CHRNB1: variants seen among roughly 807,000 people sequenced by gnomAD.
CHRNB1 encodes the protein cholinergic receptor nicotinic beta 1 subunit.
A neutral mutation model predicts 53.8 loss-of-function variants in CHRNB1; 47 were observed. The ratio of observed to expected loss-of-function variants is 0.87; its 90% CI spans 0.69 to 1.11. The LOEUF (loss-of-function observed/expected upper bound fraction) is 1.11. Among genes scored for constraint, CHRNB1 ranks in the 50% most tolerant of loss-of-function variants. The probability of loss-of-function intolerance (pLI) is 0.00; values close to 1 mark genes in which losing one functional copy is unlikely to be tolerated. For synonymous variants in CHRNB1, 259 were observed against 263.5 expected (o/e 0.98, Z 0.16); for missense variants, 605 against 654.9 (o/e 0.92, Z 0.83).
Position 7,455,853 on chromosome 17 carries a change from C to A in CHRNB1, c.1277C>A (p.Ala426Asp), listed in dbSNP as rs1402917801. Residue 426 changes from alanine (A) to aspartate (D), a missense_variant, in exon 10 of 11, where the codon GCT becomes GAT. Coordinates refer to ENST00000306071, the MANE Select transcript of CHRNB1 (RefSeq NM_000747.3). The part of the protein sequence containing the change: ...LRRFIDGPNR[A>D]VALLPELREV... ...CGATTTATCGATGGTCCAAACCGGG[C>A]TGTGGCCCTGCTTCCGGAGCTACGG... 1 of 1,614,002 alleles carries A rather than the reference C, an allele frequency of 6.2e-7. No individual in the cohort carries two copies. The highest frequency in any genetic ancestry group is 1.3e-5 in the African/African-American group (1 of 74,896).
At chr17:7,455,135 C>G (rs2069935443) in intron 8 of CHRNB1, 149 bp from the exon 9 acceptor site, 1 of 889,890 alleles carries the variant, frequency 1.1e-6, no homozygotes, top group Non-Finnish European at 1.8e-6. Context: ...GTCTGTGTGG[C>G]TGCATTTCCT....
At chr17:7,449,648 G>A (rs891303161) in intron 7 of CHRNB1, among the ~76,000 whole-genome samples, 27 of 151,630 alleles carry the variant, frequency 1.8e-4, no homozygotes, top group Non-Finnish European at 5.9e-5. Flanking sequence ...GAACTCAAGC[G>A]ATCTGTTCGC....
At chr17:7,454,658 TATCATTTCACAG>T in intron 8 of CHRNB1, 138 bp downstream of exon 8, 1 of 727,264 alleles carries the variant, frequency 1.4e-6, no homozygotes, top group South Asian at 1.5e-5. Flanking sequence ...CCCCCATCAT[TATCATTTCACAG>T]ATCCCATACT....
rs760591391 is a variant in CHRNB1, at chr17:7,456,765, G to C, written c.*42G>C. 1.9e-6 allele frequency: 3 copies of C among 1,613,450 alleles called. No homozygotes were observed. The highest frequency in any genetic ancestry group is 4.5e-5 in the East Asian group (2 of 44,870). ...ACCCAGGCCCCCTGCCAGTTGAAGT[G>C]AGAGTTTGGTGATACTGTCAAGCCC... On this transcript the variant is annotated 3_prime_UTR_variant, in exon 11 of 11. Coordinates refer to ENST00000306071, the MANE Select transcript of CHRNB1 (RefSeq NM_000747.3).
intron 6 of CHRNB1, 99 bp from the exon 7 acceptor site, chr17:7,448,480 T>G: frequency 9.0e-7 from 1 of 1,115,252 alleles, no homozygotes; most frequent in Non-Finnish European, 1.3e-6. Context: ...TTTCATCAAG[T>G]CAGCCCTCTC....
At position 7,445,451 on chromosome 17, in the gene CHRNB1, C is replaced by T; in HGVS notation, c.198+42C>T. 1.2e-6 allele frequency: 2 copies of T among 1,601,862 alleles called. No homozygotes were observed. Among genetic ancestry groups the T allele is most frequent in the Non-Finnish European group, 1.7e-6 (2 of 1,176,706 alleles). On this transcript the variant is annotated intron_variant, in intron 2 of 10. Transcript: ENST00000306071. The surrounding 1 kb of genome is among the most constrained non-coding windows in gnomAD (Gnocchi z 5.7). ...GGTGGAGGTCAGGCCAGCCGACCGG[C>T]CGGGGGCGTGGCTTTAGGCAAGGCC...
At chr17:7,447,438 C>A in intron 5 of CHRNB1, 65 bp from the exon 6 acceptor site, 1 of 1,593,266 alleles carries the variant, frequency 6.3e-7, no homozygotes, top group Non-Finnish European at 8.6e-7. Context: ...TCCCCAAAGA[C>A]CTCCCAAACT....
Position 7,446,912 on chromosome 17 carries a change from T to C in CHRNB1, c.323T>C (p.Val108Ala), listed in dbSNP as rs1422680293. ...IDSLRITAES[V>A]WLPDVVLLNN... ...TCGCTCCGCATCACGGCGGAATCCG[T>C]GTGGCTCCCTGACGTGGTGCTACTG... The change falls in exon 4 of 11, where the codon GTG (valine) becomes GCG (alanine). Residue 108 changes from valine (V) to alanine (A), a missense_variant. Physicochemically the swap from Val to Ala is moderately conservative, Grantham distance 64. Transcript: ENST00000306071. 2 of 1,613,258 alleles carry C rather than the reference T, an allele frequency of 1.2e-6. No individual in the cohort carries two copies. The highest frequency in any genetic ancestry group is 1.7e-6 in the Non-Finnish European group (2 of 1,179,860).
chr17:7,452,222 A>C (rs1169085535), intron 7 of CHRNB1, among the ~76,000 whole-genome samples: 2 of 151,752 alleles, frequency 1.3e-5, no homozygotes, highest in African/African-American at 2.4e-5. Flanking sequence ...TGCCCAGCTA[A>C]ATTTTTTGTA....
At chr17:7,446,404 C>T (rs1908632081) in intron 3 of CHRNB1, 2 of 534,592 alleles carry the variant, frequency 3.7e-6, no homozygotes, top group Non-Finnish European at 6.7e-6. Context: ...ACAGGCTGTT[C>T]TTGAATGCGG....
chr17:7,456,521 T>TG (rs1454606943), intron 10 of CHRNB1, 62 bp from the exon 11 acceptor site: 42 of 1,605,060 alleles, frequency 2.6e-5, no homozygotes, highest in Admixed American at 1.2e-4. Context: ...GGCGGGGAAA[T>TG]GGGGGGGTTT....
chr17:7,453,385 C>T (rs1908955407), intron 7 of CHRNB1, among the ~76,000 whole-genome samples: 1 of 152,130 alleles, frequency 6.6e-6, no homozygotes, highest in Admixed American at 6.5e-5. Context: ...TCGCAAAGTG[C>T]TGGGATTACG....
chr17:7,449,831 T>A (rs895155505), intron 7 of CHRNB1, among the ~76,000 whole-genome samples: 2 of 151,394 alleles, frequency 1.3e-5, no homozygotes, highest in Non-Finnish European at 2.9e-5. Flanking sequence ...GATCACGAGG[T>A]CAGGAGATTG....
chr17:7,456,892 A>G lies in CHRNB1; in HGVS notation c.*169A>G, dbSNP rs1268826249. 1.3e-6 allele frequency: 1 copy of G among 792,096 alleles called. No homozygotes were observed. The highest frequency in any genetic ancestry group is 2.0e-6 in the Non-Finnish European group (1 of 494,572). The allele number at this position is 792,096 out of a possible 1,614,324, so 49.1% of individuals were successfully genotyped here. ...AGGGCTGGGTAGGCAGGTGTCTTGG[A>G]CCCACCTGAAATGCAGTATCATCTG... is the stretch of plus-strand genomic sequence containing the variant. On this transcript the variant is annotated 3_prime_UTR_variant, in exon 11 of 11. Coordinates refer to ENST00000306071, the MANE Select transcript of CHRNB1 (RefSeq NM_000747.3).
Position 7,445,422 on chromosome 17 carries a change from G to T in CHRNB1, c.198+13G>T. The T allele has an allele frequency of 6.2e-7, 1 of 1,609,464 alleles. No homozygotes were observed. Among genetic ancestry groups the T allele is most frequent in the East Asian group, 2.2e-5 (1 of 44,742 alleles). Reference sequence around the variant, plus strand: ...ACTCATCAGCCTGGTGAGGGCGCGCGGGGGGTGGAGGTCAGGCCAGCCGAC... The same window carrying T: ...ACTCATCAGCCTGGTGAGGGCGCGCTGGGGGTGGAGGTCAGGCCAGCCGAC... On this transcript the variant is annotated intron_variant, in intron 2 of 10. Transcript: ENST00000306071. The surrounding 1 kb of genome is among the most constrained non-coding windows in gnomAD (Gnocchi z 5.7).
chr17:7,452,352 C>T (rs182657683), intron 7 of CHRNB1, among the ~76,000 whole-genome samples: 65 of 152,280 alleles, frequency 4.3e-4, no homozygotes, highest in African/African-American at 1.5e-3. Context: ...GCCACCGCAC[C>T]CAGCTTGATT....
At position 7,456,732 on chromosome 17, in the gene CHRNB1, G is replaced by A. The variant is rs1199526444; in HGVS notation, c.*9G>A. On this transcript the variant is annotated 3_prime_UTR_variant, in exon 11 of 11. Coordinates refer to ENST00000306071, the MANE Select transcript of CHRNB1 (RefSeq NM_000747.3). ...CAGACCCCTTTCCTTGAAGACTGGA[G>A]GGTTGAGACCCAGGCCCCCTGCCAG... is the stretch of plus-strand genomic sequence containing the variant. 2.5e-6 allele frequency: 4 copies of A among 1,614,064 alleles called. No homozygotes were observed. In the Admixed American group the frequency reaches 6.7e-5, roughly 27 times the overall value.
In CHRNB1 at chr17:7,457,401, T is replaced by C. The variant is rs543414258; in HGVS notation, c.*678T>C. 4 of 152,372 alleles carry C rather than the reference T, an allele frequency of 2.6e-5. No individual in the cohort carries two copies. Among genetic ancestry groups the C allele is most frequent in the Non-Finnish European group, 1.5e-5 (1 of 68,156 alleles). The allele number at this position is 152,372 out of a possible 1,614,324, so 9.4% of individuals were successfully genotyped here. ...CCTATAGTAAGTGCTTAACATTTGT[T>C]GAATAGGGGAAAGAAATTTCCGGAA... On this transcript the variant is annotated 3_prime_UTR_variant, in exon 11 of 11. Coordinates refer to ENST00000306071, the MANE Select transcript of CHRNB1 (RefSeq NM_000747.3).
At chr17:7,453,582 C>CT (rs71157287) in intron 7 of CHRNB1, among the ~76,000 whole-genome samples, 25,781 of 95,974 alleles carry the variant, frequency 0.27, 3,872 homozygotes, top group South Asian at 0.41. Flanking sequence ...AAAAGCCTGT[C>CT]TTTTTTTTTT....
Sources: allele counts gnomAD v4.1 joint callset (sites outside exome capture counted in the v4.1 genomes callset), GRCh38; gene constraint gnomAD v4.1.1; non-coding constraint Gnocchi (gnomAD v3.1); transcripts MANE v1.5; gene names NCBI Gene and HGNC (gene_info 2026-07-23, HGNC 2026-07-21).